The following CCDC149 variants were observed in gnomAD, a reference collection of about 807,000 sequenced individuals.
CCDC149 encodes coiled-coil domain-containing protein 149.
Under a neutral mutation model 59.9 loss-of-function variants are expected in CCDC149, and 45 were observed. The observed-to-expected ratio is 0.75, with a 90% CI of 0.59 to 0.96. CCDC149 has a LOEUF of 0.96. Among genes scored for constraint, CCDC149 ranks in the 40% least tolerant of loss-of-function variants. CCDC149 has a pLI of 0.00. For synonymous variants in CCDC149, 245 were observed against 260.6 expected (o/e 0.94, Z 0.58); for missense variants, 584 against 664.7 (o/e 0.88, Z 1.33).
At chr4:24,874,265 G>GTT (rs1165718179) in intron 2 of CCDC149, among the ~76,000 whole-genome samples, 7 of 31,924 alleles carry the variant, frequency 2.2e-4, no homozygotes, top group South Asian at 1.2e-3. Context: ...TTTTTGTTTT[G>GTT]TTTTTTTTTG....
intron 1 of CCDC149, among the ~76,000 whole-genome samples, chr4:24,958,560 T>C (rs536373533): frequency 6.6e-6 from 1 of 152,338 alleles, no homozygotes; most frequent in Non-Finnish European, 1.5e-5. Context: ...AAAGTCATTA[T>C]AATCATTTTC....
chr4:24,891,780 C>G (rs753729607), intron 1 of CCDC149, among the ~76,000 whole-genome samples: 14 of 152,128 alleles, frequency 9.2e-5, no homozygotes, highest in Non-Finnish European at 5.9e-5. Flanking sequence ...AGGAGGATTG[C>G]TTGAGCCCAG....
Position 24,876,334 on chromosome 4 carries a change from C to G in CCDC149, c.225+202G>C, listed in dbSNP as rs1362459389. Among the ~76,000 whole-genome samples, 1,193 of 122,370 alleles carry G rather than the reference C, an allele frequency of 9.7e-3. 14 individuals are homozygous for G. The highest frequency in any genetic ancestry group is 0.044 in the African/African-American group (1,123 of 25,516). 80.3% of individuals were successfully genotyped at this position (122,370 alleles called of 152,430 possible). On this transcript the variant is annotated intron_variant, in intron 2 of 12. Transcript: ENST00000635206. ...ACACACACACACACACACACACACA[C>G]ACACACAGAGAGAGAGAGAGAGATT...
intron 4 of CCDC149, among the ~76,000 whole-genome samples, chr4:24,839,280 C>T (rs899499255): frequency 6.6e-6 from 1 of 151,728 alleles, no homozygotes; most frequent in Non-Finnish European, 1.5e-5. Flanking sequence ...CCTGGGTTCA[C>T]GCCATCCTCC....
chr4:24,874,240 A>ATTTTTTTT (rs1560230340), intron 2 of CCDC149, among the ~76,000 whole-genome samples: 2 of 85,686 alleles, frequency 2.3e-5, no homozygotes, highest in African/African-American at 1.2e-4. Context: ...GTCCTATTAG[A>ATTTTTTTT]TTTGTTTTTT....
At chr4:24,908,923 G>C (rs1721709517) in intron 1 of CCDC149, among the ~76,000 whole-genome samples, 1 of 152,192 alleles carries the variant, frequency 6.6e-6, no homozygotes, top group Non-Finnish European at 1.5e-5. Context: ...GAAATAAAAA[G>C]TTATTGATTG....
chr4:24,848,933 G>A (rs1013798713), intron 4 of CCDC149, among the ~76,000 whole-genome samples: 12 of 152,136 alleles, frequency 7.9e-5, no homozygotes, highest in African/African-American at 2.7e-4. Flanking sequence ...GATGGCAACC[G>A]AGAGCTGCAC....
chr4:24,949,933 G>A lies in CCDC149; in HGVS notation c.-65+30136C>T, dbSNP rs185969242. ...TAGGAACCTGCAGGTGCACAGAGGG[G>A]ACAGCAGAGGTGGCCGTGAAGAGAA... On this transcript the variant is annotated intron_variant, in intron 1 of 12. Coordinates refer to the CCDC149 transcript ENST00000389609. Among the ~76,000 whole-genome samples the A allele has an allele frequency of 1.2e-3, 189 of 152,334 alleles. 3 individuals are homozygous for A. The highest frequency in any genetic ancestry group is 4.4e-3 in the African/African-American group (182 of 41,568).
At position 24,821,058 on chromosome 4, in the gene CCDC149, C is replaced by G; in HGVS notation, c.1072G>C (p.Gly358Arg). 8.1e-7 allele frequency: 1 copy of G among 1,230,992 alleles called. No homozygotes were observed. The allele number at this position is 1,230,992 out of a possible 1,614,324, so 76.3% of individuals were successfully genotyped here. A position where few individuals can be genotyped will look rare whatever the true frequency, so the allele number is the denominator to read the frequency against. ...GGATATTTTAAACAGAACATACTCC[C>G]AAATCCTACTGAAACATTGTAGCTC... The change falls in exon 11 of 13, where the codon GGG becomes CGG. Residue 358 changes from glycine (G) to arginine (R), a missense_variant. Physicochemically the swap from Gly to Arg is moderately radical, Grantham distance 125. Transcript: ENST00000635206.
At chr4:24,952,557 C>T (rs1723322729) in intron 1 of CCDC149, among the ~76,000 whole-genome samples, 1 of 122,748 alleles carries the variant, frequency 8.1e-6, no homozygotes, top group South Asian at 2.8e-4. Context: ...GATCACACTA[C>T]TGCACTCCAG....
At chr4:24,915,930 C>T (rs147296444), upstream of CCDC149, among the ~76,000 whole-genome samples, 23 of 152,266 alleles carry the variant, frequency 1.5e-4, no homozygotes, top group African/African-American at 5.5e-4. Context: ...AACAGCAGCC[C>T]AGACTGACAA....
intron 1 of CCDC149, among the ~76,000 whole-genome samples, chr4:24,907,999 T>G (rs1458888201): frequency 6.6e-6 from 1 of 152,208 alleles, no homozygotes; most frequent in African/African-American, 2.4e-5. Flanking sequence ...TGTGCATCTC[T>G]GTGCCCAAAT....
intron 1 of CCDC149, among the ~76,000 whole-genome samples, chr4:24,964,954 T>G (rs1723750504): frequency 6.6e-6 from 1 of 151,148 alleles, no homozygotes; most frequent in South Asian, 2.1e-4. Context: ...AGACTGCAAA[T>G]TTTGTCTGAT....
At chr4:24,905,446 T>G (rs1721435840) in intron 1 of CCDC149, among the ~76,000 whole-genome samples, 1 of 148,360 alleles carries the variant, frequency 6.7e-6, no homozygotes, top group South Asian at 2.1e-4. Context: ...TGTGTGTGTG[T>G]GTGTGTGTGA....
intron 2 of CCDC149, among the ~76,000 whole-genome samples, chr4:24,874,265 G>GTTTTTTTTTTTTTTTTTTTTTTTT (rs1165718179): frequency 3.1e-5 from 1 of 31,908 alleles, no homozygotes; most frequent in African/African-American, 7.8e-5. Context: ...TTTTTGTTTT[G>GTTTTTTTTTTTTTTTTTTTTTTTT]TTTTTTTTTG....
intron 1 of CCDC149, among the ~76,000 whole-genome samples, chr4:24,887,947 C>T (rs1033902949): frequency 6.6e-6 from 1 of 152,188 alleles, no homozygotes; most frequent in Non-Finnish European, 1.5e-5. Context: ...CCTACTGCTG[C>T]CCCCACACTC....
chr4:24,913,606 C>T (rs1122594), upstream of CCDC149, among the ~76,000 whole-genome samples: 17,052 of 152,124 alleles, frequency 0.11, 1,051 homozygotes, highest in African/African-American at 0.15. Flanking sequence ...GGGCCAAAAA[C>T]TCTGAGGGAG....
rs145571951 is a variant in CCDC149 at position 24,911,269 on chromosome 4, G to A, written c.63+1548C>T. On this transcript the variant is annotated intron_variant, in intron 1 of 12. Transcript: ENST00000635206. ...GGGCACCCCATGCCATTTAGCACTTGAAGCCTTTCCATCCTTTAGTTCACT... is the reference window on the plus strand; with the variant it reads ...GGGCACCCCATGCCATTTAGCACTTAAAGCCTTTCCATCCTTTAGTTCACT... Among the ~76,000 whole-genome samples, 33 of 152,330 alleles carry A rather than the reference G, an allele frequency of 2.2e-4. No individual in the cohort carries two copies. In the East Asian group the frequency reaches 5.6e-3, roughly 26 times the overall value.
chr4:24,818,406 G>A (rs1438936839), intron 12 of CCDC149, among the ~76,000 whole-genome samples: 1 of 152,202 alleles, frequency 6.6e-6, no homozygotes, highest in Non-Finnish European at 1.5e-5. Context: ...TATTTTTATG[G>A]AGGTAATGAT....
Sources: gnomAD v4.1 joint callset for allele counts (sites outside exome capture counted in the v4.1 genomes callset) on GRCh38, gnomAD v4.1.1 for gene constraint, MANE v1.5 for transcripts, NCBI Gene and HGNC (gene_info 2026-07-23, HGNC 2026-07-21) for gene names.